ATP13A4: variants seen among roughly 807,000 people sequenced by gnomAD.
ATP13A4 encodes the protein ATPase 13A4.
ATP13A4 carries 114 observed loss-of-function variants against 142.5 expected under a neutral mutation model. That is an observed-to-expected ratio of 0.80 (90% confidence interval 0.69 to 0.93). The LOEUF (loss-of-function observed/expected upper bound fraction) is 0.93, where lower values mean the gene tolerates loss of function less well. Ranked by LOEUF, ATP13A4 falls within the 40% of genes least tolerant of loss-of-function variation. The pLI, the probability that ATP13A4 is intolerant of heterozygous loss-of-function variation, is 0.00. For synonymous variants in ATP13A4, 488 were observed against 514.8 expected (o/e 0.95, Z 0.70); for missense variants, 1,392 against 1,454.0 (o/e 0.96, Z 0.69).
intron 7 of ATP13A4, among the ~76,000 whole-genome samples, chr3:193,484,975 G>C (rs1473482520): frequency 2.0e-5 from 3 of 152,076 alleles, no homozygotes; most frequent in Non-Finnish European, 4.4e-5. Flanking sequence ...CCTAAGATCT[G>C]AGTAGGAGTT....
chr3:193,509,808 C>A (rs1340565412), intron 2 of ATP13A4, among the ~76,000 whole-genome samples: 1 of 152,172 alleles, frequency 6.6e-6, no homozygotes, highest in Non-Finnish European at 1.5e-5. Context: ...GAGACAACAC[C>A]TACTTTCTAC....
intron 1 of ATP13A4, among the ~76,000 whole-genome samples, chr3:193,532,445 C>A (rs939436960): frequency 2.7e-5 from 4 of 148,580 alleles, no homozygotes; most frequent in Non-Finnish European, 1.5e-5. Flanking sequence ...CTGAATTACA[C>A]CAAACTTTGA....
chr3:193,448,380 CT>C (rs202183512), intron 17 of ATP13A4, 50 bp from the exon 18 acceptor site: 127 of 1,587,696 alleles, frequency 8.0e-5, no homozygotes, highest in Middle Eastern at 1.8e-4. Flanking sequence ...CATATTACAG[CT>C]TTTTTTTTGA....
In ATP13A4 at chr3:193,470,811, G is replaced by T. The variant is rs1379556270; in HGVS notation, c.943+48C>A. On this transcript the variant is annotated intron_variant, in intron 9 of 29. Transcript: ENST00000342695. ...GGCGTAGGGACCATAGCAGCGTGGA[G>T]TGTGGGCCAGCCCACAGAGGTTGTC... is the stretch of plus-strand genomic sequence containing the variant. 3.1e-6 allele frequency: 5 copies of T among 1,612,116 alleles called. No homozygotes were observed. In the South Asian group the frequency reaches 5.5e-5, roughly 18 times the overall value.
chr3:193,546,729 A>G (rs894549601), intron 1 of ATP13A4, among the ~76,000 whole-genome samples: 3 of 152,238 alleles, frequency 2.0e-5, no homozygotes, highest in African/African-American at 7.2e-5. Flanking sequence ...AACAAAAACA[A>G]GAGGCAACAA....
intron 12 of ATP13A4, among the ~76,000 whole-genome samples, chr3:193,464,660 A>T (rs568299310): frequency 6.6e-6 from 1 of 152,296 alleles, no homozygotes; most frequent in East Asian, 1.9e-4. Context: ...GAAGGTTTTG[A>T]CTGCAGAGAA....
intron 3 of ATP13A4, among the ~76,000 whole-genome samples, chr3:193,494,527 C>G (rs181022904): frequency 6.6e-6 from 1 of 151,994 alleles, no homozygotes; most frequent in Non-Finnish European, 1.5e-5. Flanking sequence ...CCTGAACAAC[C>G]AATTGGTCAA....
At chr3:193,409,335 G>T (rs1448507381) in intron 28 of ATP13A4, among the ~76,000 whole-genome samples, 1 of 151,164 alleles carries the variant, frequency 6.6e-6, no homozygotes, top group Non-Finnish European at 1.5e-5. Flanking sequence ...TTTCTAAAAA[G>T]AACACATATT....
chr3:193,500,188 T>C (rs1720461233), intron 3 of ATP13A4, among the ~76,000 whole-genome samples: 1 of 152,214 alleles, frequency 6.6e-6, no homozygotes, highest in South Asian at 2.1e-4. Flanking sequence ...AAACCAAGTA[T>C]CTGCTGCGGG....
intron 1 of ATP13A4, among the ~76,000 whole-genome samples, chr3:193,535,613 T>C (rs961718534): frequency 4.0e-5 from 6 of 151,812 alleles, no homozygotes; most frequent in African/African-American, 1.5e-4. Flanking sequence ...TAATCTAAGT[T>C]CCCCTCTCAA....
chr3:193,410,563 T>A (rs923493), intron 28 of ATP13A4, among the ~76,000 whole-genome samples: 7,848 of 151,916 alleles, frequency 0.052, 392 homozygotes, highest in East Asian at 0.18. Flanking sequence ...AATTTTTTTT[T>A]AAAAAATTAG....
At chr3:193,476,999 T>A (rs1719003495) in intron 8 of ATP13A4, among the ~76,000 whole-genome samples, 7 of 152,060 alleles carry the variant, frequency 4.6e-5, no homozygotes, top group Admixed American at 4.6e-4. Context: ...AGCACACGCT[T>A]TTAGAAAAAT....
intron 25 of ATP13A4, among the ~76,000 whole-genome samples, chr3:193,421,650 C>T (rs1007397344): frequency 6.7e-6 from 1 of 149,598 alleles, no homozygotes; most frequent in Admixed American, 6.9e-5. Context: ...AATTGCGACA[C>T]TAAAATATAA....
At chr3:193,515,015 G>A in intron 1 of ATP13A4, 144 bp from the exon 2 acceptor site, 1 of 841,594 alleles carries the variant, frequency 1.2e-6, no homozygotes, top group Non-Finnish European at 1.9e-6. Flanking sequence ...CATGGAGAGA[G>A]TGGAGAGGAA....
intron 18 of ATP13A4, among the ~76,000 whole-genome samples, chr3:193,444,785 T>G (rs1716845297): frequency 6.6e-6 from 1 of 152,220 alleles, no homozygotes; most frequent in Non-Finnish European, 1.5e-5. Context: ...ATCCTTAACA[T>G]AGCTTCTCCC....
At chr3:193,561,708 G>A (rs914128336) in intron 2 of ATP13A4, among the ~76,000 whole-genome samples, 7 of 152,106 alleles carry the variant, frequency 4.6e-5, no homozygotes, top group Admixed American at 4.6e-4. Flanking sequence ...AGGTTTCTCA[G>A]CTCTCCCACA....
At chr3:193,551,121 T>A (rs1305335143) in intron 1 of ATP13A4, among the ~76,000 whole-genome samples, 1 of 152,110 alleles carries the variant, frequency 6.6e-6, no homozygotes, top group Non-Finnish European at 1.5e-5. Flanking sequence ...TGAATAAAAG[T>A]ACATATTCCT....
chr3:193,437,143 T>C (rs913863552), intron 23 of ATP13A4, among the ~76,000 whole-genome samples: 1 of 151,462 alleles, frequency 6.6e-6, no homozygotes, highest in Non-Finnish European at 1.5e-5. Context: ...AAACCAGGTT[T>C]TTTTCTGTAT....
At position 193,486,348 on chromosome 3, in the gene ATP13A4, T is replaced by C. The variant is rs368997694; in HGVS notation, c.739-2343A>G. Among the ~76,000 whole-genome samples the C allele has an allele frequency of 8.5e-5, 13 of 152,334 alleles. No individual in the cohort carries two copies. The South Asian group carries it at 1.0e-3, about 12-fold the overall frequency. On this transcript the variant is annotated intron_variant, in intron 7 of 29. Transcript: ENST00000342695. The stretch of plus-strand genomic sequence containing the variant: ...AAATAATCATATTCTGCAAGAATGA[T>C]GTATGGAGGCCAGATGGGAGGTGAT...
Sources: allele counts gnomAD v4.1 joint callset (sites outside exome capture counted in the v4.1 genomes callset), GRCh38; gene constraint gnomAD v4.1.1; transcripts MANE v1.5; gene names NCBI Gene and HGNC (gene_info 2026-07-23, HGNC 2026-07-21).